RSPO2: variants seen among roughly 807,000 people sequenced by gnomAD.
RSPO2 encodes the protein R-spondin 2.
Under a neutral mutation model 30.9 loss-of-function variants are expected in RSPO2, and 14 were observed. That is an observed-to-expected ratio of 0.45 (90% CI 0.30 to 0.71). RSPO2 has a LOEUF of 0.71. Ranked by LOEUF, RSPO2 falls within the 30% of genes least tolerant of loss-of-function variation. The pLI is 0.08. For missense variants in RSPO2, 264 were observed against 301.9 expected, an observed-to-expected ratio of 0.87 and a Z score of 0.93; for synonymous variants, 107 against 96.4, an observed-to-expected ratio of 1.11 and a Z score of -0.64.
intron 5 of RSPO2, among the ~76,000 whole-genome samples, chr8:107,954,326 T>A (rs661291): frequency 0.54 from 81,472 of 152,026 alleles, 23,943 homozygotes; most frequent in East Asian, 0.7. Context: ...ACAAAAAGCA[T>A]GTTTATACTT....
At chr8:108,004,265 T>A (rs1222793035) in intron 2 of RSPO2, among the ~76,000 whole-genome samples, 1 of 152,198 alleles carries the variant, frequency 6.6e-6, no homozygotes, top group Non-Finnish European at 1.5e-5. Context: ...GTTTGGGCAT[T>A]CAGCAAAAGG....
intron 5 of RSPO2, among the ~76,000 whole-genome samples, chr8:107,956,688 C>T (rs1452051358): frequency 6.6e-6 from 1 of 151,972 alleles, no homozygotes; most frequent in African/African-American, 2.4e-5. Context: ...TAATGTAAAC[C>T]ACAATTGGGG....
At chr8:108,024,320 T>C (rs1356937270) in intron 2 of RSPO2, among the ~76,000 whole-genome samples, 1 of 152,032 alleles carries the variant, frequency 6.6e-6, no homozygotes, top group African/African-American at 2.4e-5. Context: ...AGGAGAGTAA[T>C]TGGATAAGTT....
chr8:107,946,423 C>G (rs928658249), intron 5 of RSPO2, among the ~76,000 whole-genome samples: 3 of 152,128 alleles, frequency 2.0e-5, no homozygotes, highest in Non-Finnish European at 4.4e-5. Flanking sequence ...TGAGGTTTTG[C>G]AAAGACAGTT....
intron 2 of RSPO2, among the ~76,000 whole-genome samples, chr8:108,003,277 GTATATATATATATATA>G (rs59782097): frequency 5.3e-5 from 3 of 56,368 alleles, no homozygotes; most frequent in Admixed American, 5.6e-4. Flanking sequence ...GTGTGTGTGT[GTATATATATATATATA>G]TATATATATA....
intron 3 of RSPO2, among the ~76,000 whole-genome samples, chr8:107,973,888 T>C (rs1814109715): frequency 6.6e-6 from 1 of 152,202 alleles, no homozygotes; most frequent in Non-Finnish European, 1.5e-5. Flanking sequence ...CTGTAACTTG[T>C]GTTTTCCTTT....
At chr8:108,056,623 C>CAAAAAAAAAAA (rs56256415) in intron 2 of RSPO2, among the ~76,000 whole-genome samples, 23 of 71,754 alleles carry the variant, frequency 3.2e-4, no homozygotes, top group African/African-American at 4.4e-4. Flanking sequence ...AGACCCGTCT[C>CAAAAAAAAAAA]AAAAAAAAAA....
At chr8:107,938,319 A>G (rs1028531408) in intron 5 of RSPO2, among the ~76,000 whole-genome samples, 12 of 152,114 alleles carry the variant, frequency 7.9e-5, no homozygotes, top group African/African-American at 2.7e-4. Context: ...CAAATGCTTC[A>G]GCCTCCCTCC....
intron 5 of RSPO2, among the ~76,000 whole-genome samples, chr8:107,931,440 C>G (rs1354496950): frequency 6.6e-6 from 1 of 152,080 alleles, no homozygotes; most frequent in Non-Finnish European, 1.5e-5. Flanking sequence ...ATTGTTATCA[C>G]TACATATTAC....
chr8:108,017,688 C>A (rs1307102345), intron 2 of RSPO2, among the ~76,000 whole-genome samples: 2 of 152,164 alleles, frequency 1.3e-5, no homozygotes, highest in Non-Finnish European at 2.9e-5. Flanking sequence ...TGTCTCCAAA[C>A]AATGTGTGTG....
chr8:108,081,106 G>A (rs1813179269), intron 2 of RSPO2, among the ~76,000 whole-genome samples: 1 of 152,070 alleles, frequency 6.6e-6, no homozygotes, highest in Non-Finnish European at 1.5e-5. Flanking sequence ...GTCAGAAATC[G>A]GGGGAGAGGG....
chr8:108,064,736 G>T (rs897799329), intron 2 of RSPO2, among the ~76,000 whole-genome samples: 17 of 152,000 alleles, frequency 1.1e-4, no homozygotes, highest in Admixed American at 2.0e-4. Flanking sequence ...ATGTTTATTG[G>T]GGCACTATTC....
chr8:107,993,504 A>G (rs1354654517), intron 2 of RSPO2, among the ~76,000 whole-genome samples: 8 of 152,210 alleles, frequency 5.3e-5, no homozygotes, highest in Admixed American at 4.6e-4. Context: ...CATTTATATT[A>G]GGGTCAAAGG....
intron 3 of RSPO2, among the ~76,000 whole-genome samples, chr8:107,978,811 A>G (rs79978378): frequency 6.6e-6 from 1 of 152,226 alleles, no homozygotes; most frequent in Non-Finnish European, 1.5e-5. Context: ...CACAATCTAC[A>G]ATGAACTCAA....
At chr8:107,950,149 A>G (rs1813196178) in intron 5 of RSPO2, among the ~76,000 whole-genome samples, 1 of 152,190 alleles carries the variant, frequency 6.6e-6, no homozygotes, top group South Asian at 2.1e-4. Context: ...ACACATGCAC[A>G]CTTTAATGTG....
chr8:107,945,084 AT>A (rs1300030142), intron 5 of RSPO2, among the ~76,000 whole-genome samples: 8 of 152,042 alleles, frequency 5.3e-5, no homozygotes, highest in African/African-American at 1.7e-4. Context: ...AAGGAAAAAT[AT>A]CTTTGTAAAT....
chr8:107,923,245 T>C (rs1218953770), intron 5 of RSPO2, among the ~76,000 whole-genome samples: 1 of 151,974 alleles, frequency 6.6e-6, no homozygotes, highest in Non-Finnish European at 1.5e-5. Context: ...AACAACCCCA[T>C]TAAAAAGTGG....
chr8:108,048,203 A>G (rs1811966938), intron 2 of RSPO2, among the ~76,000 whole-genome samples: 1 of 151,914 alleles, frequency 6.6e-6, no homozygotes, highest in African/African-American at 2.4e-5. Context: ...GCTATCCAAT[A>G]AGCACCTTGC....
chr8:108,082,555 G>A lies in RSPO2; in HGVS notation c.84C>T (p.Arg28=), dbSNP rs575954190. 3 of 1,613,952 alleles carry A rather than the reference G, an allele frequency of 1.9e-6. No homozygotes were observed. The highest frequency in any genetic ancestry group is 3.3e-5 in the Admixed American group (2 of 60,030). ...YSHCQGNRWR[R]SKRASYVSNP... is the part of the protein sequence containing the mutation. ...CAGAGAGGGACCCACCTCGCTTACT[G>A]CGTCTCCATCGGTTGCCTTGGCAGT... The change falls in exon 2 of 6, where the codon CGC becomes CGT. Residue 28 remains arginine (R), a synonymous_variant. Coordinates refer to ENST00000276659, the MANE Select transcript of RSPO2 (RefSeq NM_178565.5).
Sources: gnomAD v4.1 joint callset for allele counts (sites outside exome capture counted in the v4.1 genomes callset) on GRCh38, gnomAD v4.1.1 for gene constraint, MANE v1.5 for transcripts, NCBI Gene and HGNC (gene_info 2026-07-23, HGNC 2026-07-21) for gene names.